Variants in AFF2 observed in about 807,000 individuals in gnomAD.
The protein encoded by AFF2 is AF4/FMR2 family member 2.
In AFF2, 14 loss-of-function variants were observed where a neutral mutation model predicts 76.9. The observed-to-expected ratio is 0.18, with a 90% CI of 0.12 to 0.28. The LOEUF is 0.28. Among genes scored for constraint, AFF2 ranks in the 10% least tolerant of loss-of-function variants. The pLI is 1.00. For synonymous variants in AFF2, 398 were observed against 366.7 expected (o/e 1.09, Z -0.98); for missense variants, 868 against 1,001.1 (o/e 0.87, Z 1.79).
At chrX:148,542,504 C>T (rs2052869963) in intron 1 of AFF2, among the ~76,000 whole-genome samples, 1 of 111,514 alleles carries the variant, frequency 9.0e-6, no homozygotes, top group Non-Finnish European at 1.9e-5. Flanking sequence ...CTACCTATTG[C>T]AAGGTCCAAA....
chrX:148,581,187 A>C (rs368686460), intron 1 of AFF2, among the ~76,000 whole-genome samples: 11 of 89,552 alleles, frequency 1.2e-4, no homozygotes, highest in Admixed American at 1.2e-3. Context: ...GTATACACAC[A>C]TATACATATA....
At position 148,761,024 on chromosome X, in the gene AFF2, T is replaced by A. The variant is rs1177221938; in HGVS notation, c.1042-48852T>A. ...TAGAAAGAATGTGTGAAGAAAGCAG[T>A]CTTACATTTAAGAACACTATTCCTA... On this transcript the variant is annotated intron_variant, in intron 3 of 20. Coordinates refer to ENST00000370460, the MANE Select transcript of AFF2 (RefSeq NM_002025.4). Among the ~76,000 whole-genome samples the A allele has an allele frequency of 1.1e-4, 12 of 111,973 alleles. No homozygotes were observed. The East Asian group carries it at 3.1e-3, about 29-fold the overall frequency.
chrX:148,958,834 A>T (rs1008521356), intron 12 of AFF2, among the ~76,000 whole-genome samples: 52 of 111,063 alleles, frequency 4.7e-4, no homozygotes, highest in African/African-American at 1.6e-3. Context: ...CTTCTACCCA[A>T]CATTCAGTTC....
intron 3 of AFF2, among the ~76,000 whole-genome samples, chrX:148,758,836 T>C (rs1401462752): frequency 1.2e-4 from 14 of 112,049 alleles, no homozygotes; most frequent in Non-Finnish European, 2.1e-4. Context: ...AATGATTGGA[T>C]CAGAGAGTAT....
At chrX:148,789,715 G>A (rs558669591) in intron 3 of AFF2, among the ~76,000 whole-genome samples, 1 of 111,941 alleles carries the variant, frequency 8.9e-6, no homozygotes. Flanking sequence ...TCTTAATGAA[G>A]GAATACCATG....
chrX:148,748,072 G>A (rs2055445347), intron 3 of AFF2, among the ~76,000 whole-genome samples: 1 of 111,878 alleles, frequency 8.9e-6, no homozygotes, highest in African/African-American at 3.3e-5. Context: ...AAAATAAAAG[G>A]CTTATTTGAA....
intron 4 of AFF2, among the ~76,000 whole-genome samples, chrX:148,812,194 C>T (rs1330597714): frequency 9.0e-6 from 1 of 111,728 alleles, no homozygotes; most frequent in Non-Finnish European, 1.9e-5. Context: ...ATTCATGTTC[C>T]TTTTGGTTTG....
chrX:148,642,064 G>T (rs2054095022), intron 1 of AFF2, among the ~76,000 whole-genome samples: 3 of 112,311 alleles, frequency 2.7e-5, no homozygotes, highest in Non-Finnish European at 5.6e-5. Context: ...AGAGGGAGAA[G>T]TGTAACCTAG....
At chrX:148,648,394 C>T (rs1004157553) in intron 1 of AFF2, among the ~76,000 whole-genome samples, 44 of 108,643 alleles carry the variant, frequency 4.0e-4, no homozygotes, top group African/African-American at 1.3e-3. Context: ...AACCCTACCT[C>T]TACTAAAAAT....
At chrX:148,594,734 GAA>G (rs782090405) in intron 1 of AFF2, among the ~76,000 whole-genome samples, 1 of 112,190 alleles carries the variant, frequency 8.9e-6, no homozygotes, top group South Asian at 3.7e-4. Flanking sequence ...AAGCAGGAGT[GAA>G]GAGGGTATAA....
At position 148,946,748 on chromosome X, in the gene AFF2, C is replaced by T. The variant is rs189612389; in HGVS notation, c.1398-6832C>T. On this transcript the variant is annotated intron_variant, in intron 9 of 20. Coordinates refer to ENST00000370460, the MANE Select transcript of AFF2 (RefSeq NM_002025.4). Reference sequence around the variant, plus strand: ...ACATTCCTTGACTTTTGGCCTCCTTCGTCCATCTTCAAACACCAGCATAGC... The same window carrying T: ...ACATTCCTTGACTTTTGGCCTCCTTTGTCCATCTTCAAACACCAGCATAGC... 2.9e-3 allele frequency among the ~76,000 whole-genome samples: 331 copies of T among 112,218 alleles called. 1 individual carries two copies. Among genetic ancestry groups the T allele is most frequent in the African/African-American group, 0.01 (316 of 30,918 alleles).
At chrX:148,931,785 C>T (rs1270432723) in intron 9 of AFF2, among the ~76,000 whole-genome samples, 5 of 111,735 alleles carry the variant, frequency 4.5e-5, no homozygotes, top group African/African-American at 1.6e-4. Context: ...TTCAGAACAC[C>T]ATTATGGGAA....
chrX:148,585,055 C>T (rs1243798675), intron 1 of AFF2, among the ~76,000 whole-genome samples: 1 of 111,814 alleles, frequency 8.9e-6, no homozygotes, highest in Non-Finnish European at 1.9e-5. Flanking sequence ...ATGGATTGTC[C>T]CTGCTTCCAA....
chrX:148,624,345 A>T (rs1453112439), intron 1 of AFF2, among the ~76,000 whole-genome samples: 3 of 111,938 alleles, frequency 2.7e-5, no homozygotes, highest in Non-Finnish European at 5.6e-5. Context: ...CATAACTTAA[A>T]AAAAGCTTTC....
In AFF2 at chrX:148,966,964, A is replaced by C. The variant is rs149653283; in HGVS notation, c.3088A>C (p.Ile1030Leu). 530 of 1,209,185 alleles carry C rather than the reference A, an allele frequency of 4.4e-4. No homozygotes were observed. Among genetic ancestry groups the C allele is most frequent in the Admixed American group, 2.2e-3 (102 of 45,687 alleles). ...TTTISTITST[I>L]TTGLMDSSHL... ...TACCATTTCCACCATCACCTCTACC[A>C]TCACTACTGGCCTCATGGATAGCAG... The change falls in exon 14 of 21, where the codon ATC (isoleucine) becomes CTC (leucine). Residue 1030 changes from isoleucine to leucine, a missense_variant. Around this residue, in one of 6 missense-constraint regions of AFF2, gnomAD observed 532 missense variants for 564.2 expected, o/e 0.94. Transcript: ENST00000370460.
chrX:148,554,372 G>A (rs2053028705), intron 1 of AFF2, among the ~76,000 whole-genome samples: 1 of 111,132 alleles, frequency 9.0e-6, no homozygotes, highest in Admixed American at 9.6e-5. Flanking sequence ...TTATTATCAT[G>A]GGGAGAGGCA....
At chrX:148,596,646 A>C (rs892156328) in intron 1 of AFF2, among the ~76,000 whole-genome samples, 4 of 112,398 alleles carry the variant, frequency 3.6e-5, no homozygotes, top group Non-Finnish European at 7.5e-5. Flanking sequence ...TGATATGCTG[A>C]ATGCTGGGGC....
chrX:148,924,314 G>C (rs2071626910), intron 9 of AFF2, among the ~76,000 whole-genome samples: 1 of 111,878 alleles, frequency 8.9e-6, no homozygotes, highest in East Asian at 2.8e-4. Flanking sequence ...AGTGAGATTT[G>C]TAGAAAACTC....
chrX:148,557,852 G>A (rs2053068866), intron 1 of AFF2, among the ~76,000 whole-genome samples: 1 of 111,987 alleles, frequency 8.9e-6, no homozygotes, highest in African/African-American at 3.2e-5. Context: ...TGCTTTAACT[G>A]GTTTACCTAT....
Sources: allele counts gnomAD v4.1 joint callset (sites outside exome capture counted in the v4.1 genomes callset), GRCh38; gene constraint gnomAD v4.1.1; regional missense constraint gnomAD v4.1.1; transcripts MANE v1.5; gene names NCBI Gene and HGNC (gene_info 2026-07-23, HGNC 2026-07-21).